BCL2L13: variants seen among roughly 807,000 people sequenced by gnomAD.
BCL2L13 encodes BCL2 like 13.
In BCL2L13, 13 loss-of-function variants were observed where a neutral mutation model predicts 25.8. The ratio of observed to expected loss-of-function variants is 0.50; its 90% confidence interval spans 0.33 to 0.80. BCL2L13 has a LOEUF of 0.80. Ranked by LOEUF, BCL2L13 falls within the 30% of genes least tolerant of loss-of-function variation. BCL2L13 has a pLI of 0.02. For synonymous variants in BCL2L13, 244 were observed against 230.3 expected, an observed-to-expected ratio of 1.06 and a Z score of -0.54; for missense variants, 504 against 574.9, an observed-to-expected ratio of 0.88 and a Z score of 1.26.
At chr22:17,702,620 A>C (rs2060471979) in intron 6 of BCL2L13, 4 of 342,034 alleles carry the variant, frequency 1.2e-5, no homozygotes, top group Non-Finnish European at 2.1e-5. Context: ...GCCGTGCTCT[A>C]TCCCGTACTT....
intron 6 of BCL2L13, chr22:17,703,839 T>C (rs2060512020): frequency 6.6e-6 from 1 of 152,160 alleles, no homozygotes; most frequent in Non-Finnish European, 1.5e-5. Context: ...GCTATTGTAG[T>C]GTATGGTTTG....
intron 6 of BCL2L13, among the ~76,000 whole-genome samples, chr22:17,709,992 CCTGGGAGGT>C (rs1324850998): frequency 1.4e-5 from 2 of 143,114 alleles, no homozygotes; most frequent in Non-Finnish European, 3.0e-5. Flanking sequence ...ATCACTTGAG[CCTGGGAGGT>C]CAAGGCTGCA....
chr22:17,629,806 A>G (rs2052021428), intron 1 of BCL2L13, among the ~76,000 whole-genome samples: 1 of 139,192 alleles, frequency 7.2e-6, no homozygotes. Flanking sequence ...GTACATTAAC[A>G]CTTTATTTTC....
intron 6 of BCL2L13, among the ~76,000 whole-genome samples, chr22:17,725,719 C>T (rs1601810142): frequency 6.6e-6 from 1 of 151,768 alleles, no homozygotes; most frequent in African/African-American, 2.4e-5. Context: ...GGGTGAGTAT[C>T]CCTTATCCAA....
chr22:17,647,663 T>A (rs763202378), intron 1 of BCL2L13, among the ~76,000 whole-genome samples: 2 of 152,174 alleles, frequency 1.3e-5, no homozygotes, highest in Non-Finnish European at 2.9e-5. Context: ...GTGTACCCAA[T>A]TAAGTGGTTG....
intron 2 of BCL2L13, among the ~76,000 whole-genome samples, chr22:17,680,106 C>A (rs181035566): frequency 1.3e-5 from 2 of 150,034 alleles, no homozygotes; most frequent in African/African-American, 4.9e-5. Context: ...TCCAGCTACT[C>A]GGGAGGGTGA....
At position 17,726,952 on chromosome 22, in the gene BCL2L13, C is replaced by A. The variant is rs2535688; in HGVS notation, c.876C>A (p.Asn292Lys). ...AAGAAGTGAAAAGCTTAGACAGCAA[C>A]GGAGCTGGAGAGAAGAGTGAGAACA... ...DPEEVKSLDS[N>K]GAGEKSENNS... The change falls in exon 7 of 7, where the codon AAC becomes AAA. Residue 292 changes from asparagine to lysine, a missense_variant. Asn to Lys is a moderately conservative substitution (Grantham distance 94). Transcript: ENST00000317582. 1.2e-6 allele frequency: 2 copies of A among 1,614,048 alleles called. No homozygotes were observed. Among genetic ancestry groups the A allele is most frequent in the African/African-American group, 1.3e-5 (1 of 75,032 alleles).
At chr22:17,671,273 A>G (rs771855449) in intron 2 of BCL2L13, among the ~76,000 whole-genome samples, 3 of 151,732 alleles carry the variant, frequency 2.0e-5, no homozygotes, top group Non-Finnish European at 4.4e-5. Flanking sequence ...GGGTGCCTGT[A>G]GTCCCAGCTA....
chr22:17,690,724 CT>C lies in BCL2L13; in HGVS notation c.386+1583del, dbSNP rs558399474. 4.8e-3 allele frequency among the ~76,000 whole-genome samples: 736 copies of C among 152,276 alleles called. 8 individuals carry two copies. The highest frequency in any genetic ancestry group is 0.017 in the African/African-American group (708 of 41,538). On this transcript the variant is annotated intron_variant, in intron 4 of 6. Coordinates refer to ENST00000317582, the MANE Select transcript of BCL2L13 (RefSeq NM_015367.4). Reference sequence around the variant, plus strand: ...GCTGCAGTAAGCTATGATCACACCACTGTGGCACTCCAACCTGGGCAACAGA... The same window carrying C: ...GCTGCAGTAAGCTATGATCACACCACGTGGCACTCCAACCTGGGCAACAGA...
At chr22:17,670,486 TG>T (rs2059382509) in intron 2 of BCL2L13, among the ~76,000 whole-genome samples, 1 of 151,444 alleles carries the variant, frequency 6.6e-6, no homozygotes, top group Non-Finnish European at 1.5e-5. Context: ...GTGATTCTCC[TG>T]CCTCAGCCTC....
At chr22:17,698,331 T>G (rs1601706782) in intron 5 of BCL2L13, among the ~76,000 whole-genome samples, 1 of 150,520 alleles carries the variant, frequency 6.6e-6, no homozygotes. Context: ...GCCAGGCTGG[T>G]CTCAAACTCC....
Position 17,660,277 on chromosome 22 carries a change from T to C in BCL2L13, c.121+4445T>C, listed in dbSNP as rs1423460006. On this transcript the variant is annotated intron_variant, in intron 2 of 6. Transcript: ENST00000317582. ...TTTTCCCCAAAGAAATGTGCAGTTA[T>C]GCATTTTCAAGAATGTTCGAAGAAA... Among the ~76,000 whole-genome samples the C allele has an allele frequency of 2.7e-5, 4 of 146,824 alleles. 2 individuals are homozygous for C. The highest frequency in any genetic ancestry group is 3.1e-5 in the Non-Finnish European group (2 of 64,586).
At chr22:17,717,459 T>G (rs10222315) in intron 6 of BCL2L13, among the ~76,000 whole-genome samples, 2,782 of 151,930 alleles carry the variant, frequency 0.018, 78 homozygotes, top group African/African-American at 0.064. Flanking sequence ...TCCAATGCTA[T>G]TTCTTTTTTT....
At chr22:17,633,853 C>A (rs770733262), upstream of BCL2L13, among the ~76,000 whole-genome samples, 1 of 151,992 alleles carries the variant, frequency 6.6e-6, no homozygotes, top group South Asian at 2.1e-4. Flanking sequence ...CCCCAATTTA[C>A]AACTCTGTCA....
At chr22:17,631,238 A>G (rs2058007485) in intron 1 of BCL2L13, among the ~76,000 whole-genome samples, 1 of 151,638 alleles carries the variant, frequency 6.6e-6, no homozygotes, top group Non-Finnish European at 1.5e-5. Flanking sequence ...CTGGGATTAC[A>G]AGCGCCCGCC....
intron 3 of BCL2L13, among the ~76,000 whole-genome samples, chr22:17,686,158 G>A (rs2059931547): frequency 6.6e-6 from 1 of 151,918 alleles, no homozygotes; most frequent in Non-Finnish European, 1.5e-5. Flanking sequence ...AGATAGAAAT[G>A]TACAAATAAT....
chr22:17,661,707 AT>A (rs2059070879), intron 2 of BCL2L13, among the ~76,000 whole-genome samples: 1 of 145,942 alleles, frequency 6.9e-6, no homozygotes, highest in East Asian at 1.9e-4. Flanking sequence ...TTGCATAATT[AT>A]GTGCCGGGTG....
At chr22:17,666,373 C>G (rs887456217) in intron 2 of BCL2L13, among the ~76,000 whole-genome samples, 19 of 152,158 alleles carry the variant, frequency 1.2e-4, no homozygotes, top group African/African-American at 4.6e-4. Context: ...AATTCAGTTA[C>G]TCTTTAAGTT....
chr22:17,634,669 G>C (rs1027842898), upstream of BCL2L13, among the ~76,000 whole-genome samples: 92 of 152,240 alleles, frequency 6.0e-4, no homozygotes, highest in African/African-American at 2.1e-3. Flanking sequence ...TTGGCCAGGC[G>C]TGGTGGCTGG....
Sources: allele counts gnomAD v4.1 joint callset (sites outside exome capture counted in the v4.1 genomes callset), GRCh38; gene constraint gnomAD v4.1.1; transcripts MANE v1.5; gene names NCBI Gene and HGNC (gene_info 2026-07-23, HGNC 2026-07-21).